Variants in BMPR1B observed in about 807,000 individuals in gnomAD.
The protein encoded by BMPR1B is bone morphogenetic protein receptor type 1B, also known as bone morphogenetic protein receptor type-1B.
In BMPR1B, 12 loss-of-function variants were observed where a neutral mutation model predicts 59.1. The observed-to-expected ratio is 0.20, with a 90% CI of 0.13 to 0.33. BMPR1B has a LOEUF of 0.33. BMPR1B is among the 10% of genes least tolerant of loss of function. The pLI, the probability that BMPR1B is intolerant of heterozygous loss-of-function variation, is 1.00. For synonymous variants in BMPR1B, 237 were observed against 207.3 expected (o/e 1.14, Z -1.23); for missense variants, 550 against 610.9 (o/e 0.90, Z 1.05).
intron 6 of BMPR1B, among the ~76,000 whole-genome samples, chr4:95,119,689 G>A (rs112448196): frequency 0.031 from 4,776 of 152,058 alleles, 236 homozygotes; most frequent in African/African-American, 0.1. Context: ...AACTGCTTTA[G>A]TAGCCTCTCA....
intron 1 of BMPR1B, among the ~76,000 whole-genome samples, chr4:94,855,801 A>ATTGG (rs3068184): frequency 6.6e-6 from 1 of 151,804 alleles, no homozygotes; most frequent in African/African-American, 2.4e-5. Flanking sequence ...AGTTAATCAA[A>ATTGG]TTCTTGTGCT....
intron 1 of BMPR1B, among the ~76,000 whole-genome samples, chr4:94,831,805 C>T (rs1724602106): frequency 6.6e-6 from 1 of 152,164 alleles, no homozygotes; most frequent in Admixed American, 6.5e-5. Context: ...ACTCACATTA[C>T]TGCCTGAGCT....
chr4:94,958,426 C>T (rs1379835341), intron 2 of BMPR1B, among the ~76,000 whole-genome samples: 1 of 152,120 alleles, frequency 6.6e-6, no homozygotes, highest in Non-Finnish European at 1.5e-5. Flanking sequence ...AACAAGATGT[C>T]CATAGGGTTG....
chr4:94,820,648 A>G (rs1724173834), intron 1 of BMPR1B, among the ~76,000 whole-genome samples: 2 of 152,268 alleles, frequency 1.3e-5, no homozygotes, highest in South Asian at 4.1e-4. Flanking sequence ...AATTTATTCA[A>G]AGAGCAGTTA....
chr4:94,803,156 A>G (rs761499352), intron 1 of BMPR1B, among the ~76,000 whole-genome samples: 1 of 152,152 alleles, frequency 6.6e-6, no homozygotes, highest in Admixed American at 6.5e-5. Context: ...GGGACCATAG[A>G]AACCTTGAAC....
chr4:94,859,837 A>G (rs571291163), intron 1 of BMPR1B, among the ~76,000 whole-genome samples: 1 of 152,256 alleles, frequency 6.6e-6, no homozygotes, highest in Non-Finnish European at 1.5e-5. Flanking sequence ...AATTGCATAT[A>G]AATTACTAAA....
At chr4:95,068,757 G>C (rs887524733) in intron 3 of BMPR1B, among the ~76,000 whole-genome samples, 2 of 152,078 alleles carry the variant, frequency 1.3e-5, no homozygotes, top group African/African-American at 4.8e-5. Context: ...CACAACCCCA[G>C]TCACAAACTT....
chr4:95,127,360 C>A (rs1176279459), intron 8 of BMPR1B, among the ~76,000 whole-genome samples: 5 of 152,036 alleles, frequency 3.3e-5, no homozygotes, highest in African/African-American at 1.2e-4. Context: ...TAGGTCCTTA[C>A]ATGTTATAAT....
chr4:94,982,693 C>T (rs1235290834), intron 2 of BMPR1B, among the ~76,000 whole-genome samples: 3 of 152,088 alleles, frequency 2.0e-5, no homozygotes, highest in Non-Finnish European at 4.4e-5. Context: ...TCCTCTTTAC[C>T]ATTAAAAAAA....
intron 1 of BMPR1B, among the ~76,000 whole-genome samples, chr4:94,767,619 A>G (rs1722019123): frequency 1.3e-5 from 2 of 152,234 alleles, no homozygotes; most frequent in African/African-American, 2.4e-5. Flanking sequence ...TCTGAAGAGA[A>G]AAACCATACT....
At chr4:94,975,938 A>G (rs1402471755) in intron 2 of BMPR1B, among the ~76,000 whole-genome samples, 3 of 152,232 alleles carry the variant, frequency 2.0e-5, no homozygotes, top group Non-Finnish European at 4.4e-5. Context: ...ATTGAAATCC[A>G]TAGTGGCTTA....
At chr4:94,917,900 C>T (rs985978024) in intron 2 of BMPR1B, among the ~76,000 whole-genome samples, 2 of 152,070 alleles carry the variant, frequency 1.3e-5, no homozygotes, top group Non-Finnish European at 2.9e-5. Flanking sequence ...GCTGACCCCT[C>T]ATGACTTGAT....
chr4:95,121,232 A>G (rs978910139), intron 6 of BMPR1B, among the ~76,000 whole-genome samples: 1 of 152,250 alleles, frequency 6.6e-6, no homozygotes, highest in Non-Finnish European at 1.5e-5. Flanking sequence ...AGGAGGTAAA[A>G]GACCTCTACA....
intron 3 of BMPR1B, among the ~76,000 whole-genome samples, chr4:95,033,882 G>A (rs193082261): frequency 4.1e-4 from 62 of 152,266 alleles, no homozygotes; most frequent in African/African-American, 1.1e-3. Flanking sequence ...ATATAGTGAG[G>A]AAGATGGCGT....
intron 1 of BMPR1B, among the ~76,000 whole-genome samples, chr4:94,808,817 G>A (rs968274710): frequency 6.6e-6 from 1 of 152,150 alleles, no homozygotes; most frequent in Non-Finnish European, 1.5e-5. Flanking sequence ...AGCACTTTGG[G>A]AGGCCAAGGC....
chr4:94,852,581 A>G (rs1725608058), intron 1 of BMPR1B, among the ~76,000 whole-genome samples: 1 of 152,080 alleles, frequency 6.6e-6, no homozygotes, highest in Non-Finnish European at 1.5e-5. Context: ...CCCATTCATT[A>G]TGGGATTTAG....
At chr4:95,086,904 T>C (rs1414328795) in intron 3 of BMPR1B, among the ~76,000 whole-genome samples, 2 of 152,184 alleles carry the variant, frequency 1.3e-5, no homozygotes, top group Non-Finnish European at 2.9e-5. Flanking sequence ...GATTTTGATT[T>C]GTTTTCTGGC....
At chr4:95,056,252 G>GA (rs1269495812) in intron 3 of BMPR1B, among the ~76,000 whole-genome samples, 1 of 152,008 alleles carries the variant, frequency 6.6e-6, no homozygotes, top group Admixed American at 6.6e-5. Flanking sequence ...TGTTGGTTTG[G>GA]AAAAGTGAAT....
At chr4:94,786,069 C>T (rs538063688) in intron 1 of BMPR1B, among the ~76,000 whole-genome samples, 1 of 152,222 alleles carries the variant, frequency 6.6e-6, no homozygotes, top group Non-Finnish European at 1.5e-5. Context: ...ATGATCCCTG[C>T]TCTGTGAAGA....
Sources: allele counts gnomAD v4.1 joint callset (sites outside exome capture counted in the v4.1 genomes callset), GRCh38; gene constraint gnomAD v4.1.1; transcripts MANE v1.5; gene names NCBI Gene and HGNC (gene_info 2026-07-23, HGNC 2026-07-21).